UTS2: variants seen among roughly 807,000 people sequenced by gnomAD.
UTS2 encodes urotensin 2.
UTS2 carries 10 observed loss-of-function variants against 12.6 expected under a neutral mutation model. The observed-to-expected ratio is 0.80, with a 90% CI of 0.49 to 1.35. The LOEUF (loss-of-function observed/expected upper bound fraction) is 1.35, where lower values mean the gene tolerates loss of function less well. Ranked by LOEUF, UTS2 falls within the 40% of genes most tolerant of loss-of-function variation. The pLI is 0.00. For missense variants in UTS2, 142 were observed against 143.2 expected (o/e 0.99, Z 0.04); for synonymous variants, 52 against 50.0 (o/e 1.04, Z -0.17).
chr1:7,875,168 A>G, the UTS2 span, among the ~76,000 whole-genome samples: 2 of 150,864 alleles, frequency 1.3e-5, no homozygotes, highest in African/African-American at 2.4e-5. Context: ...TCCGCCTCCC[A>G]GGTTCACGCT....
At chr1:7,873,442 G>A in the UTS2 span, among the ~76,000 whole-genome samples, 19 of 152,300 alleles carry the variant, frequency 1.2e-4, no homozygotes, top group African/African-American at 4.3e-4. Flanking sequence ...TGTAATTCAT[G>A]GGATGAGATA....
intron 3 of UTS2, 120 bp downstream of exon 3, chr1:7,849,520 A>G: frequency 1.1e-6 from 1 of 936,316 alleles, no homozygotes; most frequent in Non-Finnish European, 1.6e-6. Context: ...CATGCTGGCC[A>G]ATTATTTTAA....
chr1:7,868,250 C>T, the UTS2 span, among the ~76,000 whole-genome samples: 2 of 152,124 alleles, frequency 1.3e-5, no homozygotes, highest in African/African-American at 4.8e-5. Flanking sequence ...AGAGTCGCTA[C>T]GATAATGCCG....
chr1:7,866,660 G>C, the UTS2 span, among the ~76,000 whole-genome samples: 1 of 152,104 alleles, frequency 6.6e-6, no homozygotes, highest in East Asian at 1.9e-4. The surrounding 1 kb of genome is among the most constrained non-coding windows in gnomAD (Gnocchi z 4.5). Context: ...CTAAAGGAGG[G>C]AAGGCGCTTT....
In UTS2 at chr1:7,849,689, A is replaced by T. The variant is rs749957104; in HGVS notation, c.215-6T>A. Reference sequence around the variant, plus strand: ...AAAAATGTTGGTACTTGAGTCTGAAAAACAGTTTTGAAGCCAGTTCATCAG... The same window carrying T: ...AAAAATGTTGGTACTTGAGTCTGAATAACAGTTTTGAAGCCAGTTCATCAG... On this transcript the variant is annotated splice_region_variant and splice_polypyrimidine_tract_variant and intron_variant, in intron 2 of 3. Transcript: ENST00000361696. 1 of 1,608,868 alleles carries T rather than the reference A, an allele frequency of 6.2e-7. No homozygotes were observed. Among genetic ancestry groups the T allele is most frequent in the Non-Finnish European group, 8.5e-7 (1 of 1,178,910 alleles).
chr1:7,863,803 G>A, the UTS2 span, among the ~76,000 whole-genome samples: 16 of 152,348 alleles, frequency 1.1e-4, no homozygotes, highest in East Asian at 1.9e-4. Flanking sequence ...GACAACAACC[G>A]TTTAATTGGT....
At chr1:7,898,698 C>T in the UTS2 span, among the ~76,000 whole-genome samples, 1 of 151,830 alleles carries the variant, frequency 6.6e-6, no homozygotes, top group Non-Finnish European at 1.5e-5. Context: ...AGGATGGCCT[C>T]GATCTCCTGA....
At chr1:7,881,393 A>T in the UTS2 span, among the ~76,000 whole-genome samples, 1 of 152,178 alleles carries the variant, frequency 6.6e-6, no homozygotes, top group Non-Finnish European at 1.5e-5. Context: ...AGAAAATCTA[A>T]AGACTTCACC....
chr1:7,898,987 G>A, the UTS2 span, among the ~76,000 whole-genome samples: 1 of 152,178 alleles, frequency 6.6e-6, no homozygotes, highest in South Asian at 2.1e-4. Flanking sequence ...AGGCTGTACA[G>A]GAAGCATGGC....
At chr1:7,856,448 G>C (rs1638310342), upstream of UTS2, among the ~76,000 whole-genome samples, 1 of 152,214 alleles carries the variant, frequency 6.6e-6, no homozygotes, top group South Asian at 2.1e-4. Context: ...GGAGCCGAAA[G>C]GAACAGGGCA....
chr1:7,910,257 A>C, the UTS2 span, among the ~76,000 whole-genome samples: 4 of 152,048 alleles, frequency 2.6e-5, no homozygotes, highest in African/African-American at 9.7e-5. Flanking sequence ...AAACCTGAGA[A>C]GATTACTCTA....
At chr1:7,869,242 C>T in the UTS2 span, among the ~76,000 whole-genome samples, 1 of 152,212 alleles carries the variant, frequency 6.6e-6, no homozygotes, top group Non-Finnish European at 1.5e-5. Context: ...CTGTTGGTTC[C>T]TTTCACTGTA....
the UTS2 span, among the ~76,000 whole-genome samples, chr1:7,865,597 C>T: frequency 6.6e-6 from 1 of 152,196 alleles, no homozygotes; most frequent in Non-Finnish European, 1.5e-5. Flanking sequence ...GATTAGGGCC[C>T]ACCCTAATGA....
At chr1:7,882,305 AGC>A in the UTS2 span, among the ~76,000 whole-genome samples, 1 of 152,208 alleles carries the variant, frequency 6.6e-6, no homozygotes, top group Non-Finnish European at 1.5e-5. Context: ...ACTGCACTCC[AGC>A]CTGGGCAACA....
At chr1:7,872,016 G>A in the UTS2 span, among the ~76,000 whole-genome samples, 1 of 152,064 alleles carries the variant, frequency 6.6e-6, no homozygotes, top group South Asian at 2.1e-4. Context: ...AAATGATTAA[G>A]TTTGGCCGGG....
the UTS2 span, among the ~76,000 whole-genome samples, chr1:7,871,192 G>A: frequency 6.6e-6 from 1 of 152,150 alleles, no homozygotes; most frequent in Non-Finnish European, 1.5e-5. Flanking sequence ...TCTTATTTTG[G>A]TCTTGATCTG....
the UTS2 span, among the ~76,000 whole-genome samples, chr1:7,911,342 ACTCATG>A: frequency 1.0e-3 from 157 of 152,206 alleles, no homozygotes; most frequent in African/African-American, 3.5e-3. Context: ...TAAATACGTT[ACTCATG>A]TTTATTAAAT....
chr1:7,912,766 G>A, the UTS2 span, among the ~76,000 whole-genome samples: 1 of 152,016 alleles, frequency 6.6e-6, no homozygotes, highest in African/African-American at 2.4e-5. Context: ...GCTGTCCCTG[G>A]AACAGCTCTC....
the UTS2 span, among the ~76,000 whole-genome samples, chr1:7,898,994 T>C: frequency 1.3e-5 from 2 of 152,084 alleles, no homozygotes; most frequent in African/African-American, 2.4e-5. Flanking sequence ...ACAGGAAGCA[T>C]GGCTGGGGAG....
Sources: gnomAD v4.1 joint callset for allele counts (sites outside exome capture counted in the v4.1 genomes callset) on GRCh38, gnomAD v4.1.1 for gene constraint, Gnocchi (gnomAD v3.1) non-coding constraint, MANE v1.5 for transcripts, NCBI Gene and HGNC (gene_info 2026-07-23, HGNC 2026-07-21) for gene names.